TENM2: variants seen among roughly 807,000 people sequenced by gnomAD.
TENM2 encodes the protein teneurin transmembrane protein 2, also known as teneurin-2.
Under a neutral mutation model 245.2 loss-of-function variants are expected in TENM2, and 52 were observed. That is an observed-to-expected ratio of 0.21 (90% CI 0.17 to 0.27). The LOEUF (loss-of-function observed/expected upper bound fraction) is 0.27. TENM2 is among the 10% of genes least tolerant of loss of function. The pLI, the probability that TENM2 is intolerant of heterozygous loss-of-function variation, is 1.00. For synonymous variants in TENM2, 1,363 were observed against 1,438.9 expected, an observed-to-expected ratio of 0.95 and a Z score of 1.19; for missense variants, 3,046 against 3,666.8, an observed-to-expected ratio of 0.83 and a Z score of 4.37.
At chr5:168,038,023 A>T (rs952651871) in intron 5 of TENM2, among the ~76,000 whole-genome samples, 1 of 152,212 alleles carries the variant, frequency 6.6e-6, no homozygotes, top group South Asian at 2.1e-4. Flanking sequence ...TTCTTCACTG[A>T]TGCTTAGTGT....
intron 1 of TENM2, among the ~76,000 whole-genome samples, chr5:167,288,295 C>T (rs1303410054): frequency 6.6e-6 from 1 of 152,132 alleles, no homozygotes; most frequent in East Asian, 1.9e-4. Flanking sequence ...CGCGGTGGCT[C>T]ACACCTGTAA....
chr5:167,066,295 A>G, the TENM2 span, among the ~76,000 whole-genome samples: 1 of 152,178 alleles, frequency 6.6e-6, no homozygotes, highest in Non-Finnish European at 1.5e-5. Context: ...GCTTCCATAC[A>G]CAAAGGTCAG....
the TENM2 span, among the ~76,000 whole-genome samples, chr5:167,248,937 G>T: frequency 9.5e-4 from 145 of 152,146 alleles, 1 homozygote; most frequent in African/African-American, 3.4e-3. Flanking sequence ...GCCCCCAAAA[G>T]AATTTCTGAT....
intron 2 of TENM2, among the ~76,000 whole-genome samples, chr5:167,599,826 G>T (rs1419557770): frequency 6.6e-6 from 1 of 152,060 alleles, no homozygotes; most frequent in Non-Finnish European, 1.5e-5. Flanking sequence ...GAGTATAAAA[G>T]CACAGTGAAG....
chr5:168,172,976 C>T (rs1758985668), intron 13 of TENM2, among the ~76,000 whole-genome samples: 1 of 152,138 alleles, frequency 6.6e-6, no homozygotes, highest in Admixed American at 6.5e-5. Flanking sequence ...TCCCCCAAAC[C>T]TCTGTGCCTA....
At chr5:167,471,797 T>A (rs1181691697) in intron 2 of TENM2, among the ~76,000 whole-genome samples, 1 of 152,132 alleles carries the variant, frequency 6.6e-6, no homozygotes, top group Non-Finnish European at 1.5e-5. Context: ...ACGTTGAAAA[T>A]CTGGAGAGGG....
At chr5:167,731,371 G>A (rs1760424273) in intron 2 of TENM2, among the ~76,000 whole-genome samples, 1 of 152,052 alleles carries the variant, frequency 6.6e-6, no homozygotes, top group Admixed American at 6.6e-5. Flanking sequence ...CCTGTGCTCT[G>A]AGAACATCTT....
chr5:167,113,273 T>A, the TENM2 span, among the ~76,000 whole-genome samples: 3 of 152,136 alleles, frequency 2.0e-5, no homozygotes, highest in African/African-American at 7.2e-5. Context: ...GTAAAGGCAA[T>A]GACAGGGCCA....
At chr5:167,467,522 A>AC in intron 2 of TENM2, among the ~76,000 whole-genome samples, 1 of 151,960 alleles carries the variant, frequency 6.6e-6, no homozygotes, top group Non-Finnish European at 1.5e-5. Context: ...TTGAGAAAAA[A>AC]AAAAAAAAAC....
At chr5:168,118,067 T>C (rs1795208213) in intron 9 of TENM2, among the ~76,000 whole-genome samples, 2 of 152,258 alleles carry the variant, frequency 1.3e-5, no homozygotes, top group Non-Finnish European at 2.9e-5. Context: ...CTTCTTTCTA[T>C]ACCGTGCCCA....
At chr5:168,061,685 T>G (rs1353839485) in intron 6 of TENM2, among the ~76,000 whole-genome samples, 1 of 152,180 alleles carries the variant, frequency 6.6e-6, no homozygotes, top group Non-Finnish European at 1.5e-5. Context: ...CTACAAGAAT[T>G]AAATTTGGTG....
the TENM2 span, among the ~76,000 whole-genome samples, chr5:167,018,282 C>T: frequency 6.6e-6 from 1 of 151,988 alleles, no homozygotes; most frequent in African/African-American, 2.4e-5. Context: ...CATTGTTACA[C>T]CCATAATAAA....
chr5:168,142,786 A>G (rs1755669207), intron 12 of TENM2, among the ~76,000 whole-genome samples: 1 of 152,174 alleles, frequency 6.6e-6, no homozygotes, highest in Admixed American at 6.5e-5. Context: ...GATGGGCCAA[A>G]CGTGGCACCT....
the TENM2 span, among the ~76,000 whole-genome samples, chr5:167,270,190 A>G: frequency 1.1e-3 from 161 of 152,284 alleles, no homozygotes; most frequent in African/African-American, 3.8e-3. Flanking sequence ...TTTCTATGCT[A>G]AGAAAGTGCC....
In TENM2 at chr5:167,909,072, T is replaced by C. The variant is rs1041903300; in HGVS notation, c.712+32877T>C. Among the ~76,000 whole-genome samples the C allele has an allele frequency of 5.3e-5, 8 of 151,448 alleles. 1 individual carries two copies. The highest frequency in any genetic ancestry group is 1.9e-4 in the African/African-American group (8 of 41,320). On this transcript the variant is annotated intron_variant, in intron 3 of 28. Coordinates refer to ENST00000518659, the Ensembl canonical transcript of TENM2. Reference sequence around the variant, plus strand: ...TTTTCGTTTTCTTTTCTCTCTCTTTTTTTTTTTTTTTTAGTAAAAATTGAA... The same window carrying C: ...TTTTCGTTTTCTTTTCTCTCTCTTTCTTTTTTTTTTTTAGTAAAAATTGAA...
chr5:167,620,808 T>A (rs1349736538), intron 2 of TENM2, among the ~76,000 whole-genome samples: 1 of 152,086 alleles, frequency 6.6e-6, no homozygotes, highest in Non-Finnish European at 1.5e-5. Flanking sequence ...TCTCAGGTTA[T>A]TTTTTGGTCT....
chr5:168,199,876 G>A (rs1761777920), exon 17 of TENM2: 29 of 1,613,650 alleles, frequency 1.8e-5, no homozygotes, highest in Non-Finnish European at 2.5e-5. Flanking sequence ...TCTTCATGAA[G>A]AAATCGAGCT....
At chr5:167,639,873 G>C (rs1036531417) in intron 2 of TENM2, among the ~76,000 whole-genome samples, 1 of 152,178 alleles carries the variant, frequency 6.6e-6, no homozygotes, top group Non-Finnish European at 1.5e-5. Context: ...TACAATGAAT[G>C]ATTTGTTGAA....
At chr5:167,845,239 C>CCACACACACACACA (rs55784312) in intron 2 of TENM2, among the ~76,000 whole-genome samples, 2 of 96,928 alleles carry the variant, frequency 2.1e-5, no homozygotes, top group Admixed American at 2.6e-4. Flanking sequence ...CCCTCCCGCG[C>CCACACACACACACA]CACACACACA....
Sources: allele counts gnomAD v4.1 joint callset (sites outside exome capture counted in the v4.1 genomes callset), GRCh38; gene constraint gnomAD v4.1.1; transcripts MANE v1.5; gene names NCBI Gene and HGNC (gene_info 2026-07-23, HGNC 2026-07-21).